Variants in PDE12 observed in about 807,000 individuals in gnomAD.
The protein encoded by PDE12 is phosphodiesterase 12, also known as 2',5'-phosphodiesterase 12.
Under a neutral mutation model 45.4 loss-of-function variants are expected in PDE12, and 26 were observed. That is an observed-to-expected ratio of 0.57 (90% CI 0.42 to 0.79). The LOEUF (loss-of-function observed/expected upper bound fraction) is 0.79, where lower values mean the gene tolerates loss of function less well. Ranked by LOEUF, PDE12 falls within the 30% of genes least tolerant of loss-of-function variation. The pLI, the probability that PDE12 is intolerant of heterozygous loss-of-function variation, is 0.00. For missense variants in PDE12, 668 were observed against 790.0 expected (o/e 0.85, Z 1.85); for synonymous variants, 283 against 323.9 (o/e 0.87, Z 1.36).
At chr3:57,577,957 G>A in the PDE12 span, among the ~76,000 whole-genome samples, 1 of 152,030 alleles carries the variant, frequency 6.6e-6, no homozygotes, top group African/African-American at 2.4e-5. Context: ...TGGGAGATGA[G>A]GTGGGAGGAA....
In PDE12 at chr3:57,565,450, GTGTTACGAACATTCCAAT is replaced by G. The variant is rs1454515062; in HGVS notation, c.*5450_*5467del. On this transcript the variant is annotated 3_prime_UTR_variant, in exon 3 of 3. Transcript: ENST00000311180. Reference sequence around the variant, plus strand: ...TATTCATCACATCAAGCATTCATTTGTGTTACGAACATTCCAATTGTACTCTCTCAGTTATTCTAAAAT... The same window carrying G: ...TATTCATCACATCAAGCATTCATTTGTGTACTCTCTCAGTTATTCTAAAAT... 1 of 145,050 alleles carries G rather than the reference GTGTTACGAACATTCCAAT, an allele frequency of 6.9e-6. No homozygotes were observed. The highest frequency in any genetic ancestry group is 1.5e-5 in the Non-Finnish European group (1 of 67,966). 9.0% of individuals were successfully genotyped at this position (145,050 alleles called of 1,614,324 possible). A position where few individuals can be genotyped will look rare whatever the true frequency, so the allele number is the denominator to read the frequency against.
chr3:57,641,785 G>C, the PDE12 span: 1 of 1,520,534 alleles, frequency 6.6e-7, no homozygotes, highest in Non-Finnish European at 9.0e-7. Flanking sequence ...AAAAAGGTGA[G>C]AAAAAGATGA....
the PDE12 span, chr3:57,575,433 G>A: frequency 9.8e-7 from 1 of 1,018,668 alleles, no homozygotes; most frequent in Non-Finnish European, 1.3e-6. Flanking sequence ...AATAAATGAT[G>A]TGCTCATTAT....
the PDE12 span, among the ~76,000 whole-genome samples, chr3:57,609,709 C>T: frequency 1.3e-5 from 2 of 152,052 alleles, no homozygotes; most frequent in African/African-American, 4.8e-5. Context: ...CTGAATAGAC[C>T]AATAACAGGC....
chr3:57,628,370 T>C, the PDE12 span: 24 of 1,607,998 alleles, frequency 1.5e-5, no homozygotes, highest in African/African-American at 2.7e-5. Context: ...TTTCATAACA[T>C]TTAAATTATC....
At chr3:57,637,802 A>G in the PDE12 span, among the ~76,000 whole-genome samples, 1 of 61,054 alleles carries the variant, frequency 1.6e-5, no homozygotes, top group Non-Finnish European at 4.7e-5. Context: ...GAACAGAAGA[A>G]AACAAAAAAA....
At chr3:57,630,239 T>C in the PDE12 span, 1 of 500,578 alleles carries the variant, frequency 2.0e-6, no homozygotes, top group Admixed American at 4.6e-5. Context: ...TTGTAAAGAT[T>C]AAAAGAGATT....
At position 57,561,505 on chromosome 3, in the gene PDE12, G is replaced by A. The variant is rs1391561274; in HGVS notation, c.*1501G>A. 2.0e-6 allele frequency: 2 copies of A among 984,686 alleles called. No homozygotes were observed. The highest frequency in any genetic ancestry group is 2.4e-6 in the Non-Finnish European group (2 of 829,320). The allele number at this position is 984,686 out of a possible 1,614,324, so 61.0% of individuals were successfully genotyped here. ...AAACTACAAATGGTTATACTGATTA[G>A]TGTCTAGCCTAGAGTGGTAACCATG... is the stretch of plus-strand genomic sequence containing the variant. On this transcript the variant is annotated 3_prime_UTR_variant, in exon 3 of 3. Coordinates refer to ENST00000311180, the MANE Select transcript of PDE12 (RefSeq NM_177966.7).
At chr3:57,593,405 A>G in the PDE12 span, among the ~76,000 whole-genome samples, 1 of 152,210 alleles carries the variant, frequency 6.6e-6, no homozygotes, top group African/African-American at 2.4e-5. Context: ...TAAGAAACAA[A>G]TATAAAACAC....
chr3:57,572,365 T>C, the PDE12 span: 1 of 1,223,406 alleles, frequency 8.2e-7, no homozygotes, highest in Non-Finnish European at 1.2e-6. Flanking sequence ...GTTTAAACTT[T>C]CTTAATCAAA....
chr3:57,579,253 C>CAAAAA, the PDE12 span, among the ~76,000 whole-genome samples: 17,856 of 46,374 alleles, frequency 0.39, 4,794 homozygotes, highest in East Asian at 0.53. Context: ...AACTACATCT[C>CAAAAA]AAAAAAAAAA....
chr3:57,573,558 A>C, the PDE12 span, among the ~76,000 whole-genome samples: 1 of 152,150 alleles, frequency 6.6e-6, no homozygotes, highest in Non-Finnish European at 1.5e-5. Context: ...ATTTACAGTT[A>C]GTGTTGCTTG....
chr3:57,557,909 G>C (rs1559777119), intron 1 of PDE12, among the ~76,000 whole-genome samples: 1 of 152,196 alleles, frequency 6.6e-6, no homozygotes, highest in Non-Finnish European at 1.5e-5. Context: ...CCTTGAACAA[G>C]ACTAGCAGGG....
In PDE12 at chr3:57,557,331, T is replaced by C. The variant is rs1559776714; in HGVS notation, c.952T>C (p.Tyr318His). 1.2e-6 allele frequency: 2 copies of C among 1,613,762 alleles called. No homozygotes were observed. Among genetic ancestry groups the C allele is most frequent in the Non-Finnish European group, 1.7e-6 (2 of 1,179,994 alleles). Residue 318 changes from tyrosine (Y) to histidine (H), a missense_variant, in exon 1 of 3, where the codon TAC (tyrosine) becomes CAC (histidine). By Grantham distance (83) the Tyr-to-His change is moderately conservative (BLOSUM62 2). Around this residue, in one of 3 missense-constraint regions of PDE12, gnomAD observed 580 missense variants for 662.9 expected, o/e 0.87. Transcript: ENST00000311180. Reference protein sequence around the residue: ...AQTEFSRTVLYPYCAPYALEL... With the variant: ...AQTEFSRTVLHPYCAPYALEL... The stretch of plus-strand genomic sequence containing the variant: ...GACTGAGTTCTCGCGAACGGTTCTG[T>C]ACCCATACTGTGCCCCCTACGCCCT...
chr3:57,568,254 T>C (rs2069804257), downstream of PDE12, among the ~76,000 whole-genome samples: 1 of 151,136 alleles, frequency 6.6e-6, no homozygotes, highest in Admixed American at 6.6e-5. Flanking sequence ...ACTTGAACTC[T>C]GGAGTTGAAG....
At chr3:57,654,667 G>A in the PDE12 span, 9 of 985,214 alleles carry the variant, frequency 9.1e-6, no homozygotes, top group Middle Eastern at 5.2e-4. Flanking sequence ...AACAGAATGA[G>A]GAAACTATTT....
downstream of PDE12, among the ~76,000 whole-genome samples, chr3:57,570,658 T>TA (rs1176787544): frequency 1.3e-5 from 2 of 152,174 alleles, no homozygotes; most frequent in African/African-American, 2.4e-5. Flanking sequence ...GAAACTAAGT[T>TA]ACTCAGTTAT....
chr3:57,653,473 CGGTGGCTCACGCCT>C, the PDE12 span, among the ~76,000 whole-genome samples: 87 of 152,104 alleles, frequency 5.7e-4, 1 homozygote, highest in East Asian at 0.015. Flanking sequence ...AGGCCGGGCG[CGGTGGCTCACGCCT>C]GTAATCCCAG....
chr3:57,574,199 A>G, the PDE12 span, among the ~76,000 whole-genome samples: 33 of 152,200 alleles, frequency 2.2e-4, no homozygotes, highest in East Asian at 7.7e-4. Context: ...TCAGCCTCCT[A>G]AAGTGCTGGG....
Sources: allele counts gnomAD v4.1 joint callset (sites outside exome capture counted in the v4.1 genomes callset), GRCh38; gene constraint gnomAD v4.1.1; regional missense constraint gnomAD v4.1.1; transcripts MANE v1.5; gene names NCBI Gene and HGNC (gene_info 2026-07-23, HGNC 2026-07-21).